NHSL1: variants seen among roughly 807,000 people sequenced by gnomAD.
NHSL1 encodes the protein NHS-like protein 1.
Under a neutral mutation model 95.0 loss-of-function variants are expected in NHSL1, and 48 were observed. The ratio of observed to expected loss-of-function variants is 0.51; its 90% CI spans 0.40 to 0.64. The LOEUF (loss-of-function observed/expected upper bound fraction) is 0.64, where lower values mean the gene tolerates loss of function less well. NHSL1 is among the 30% of genes least tolerant of loss of function. NHSL1 has a pLI of 0.00. For synonymous variants in NHSL1, 783 were observed against 833.9 expected (o/e 0.94, Z 1.05); for missense variants, 1,971 against 2,077.7 (o/e 0.95, Z 1.00).
At chr6:138,528,048 T>C (rs773449348) in intron 1 of NHSL1, among the ~76,000 whole-genome samples, 2 of 152,182 alleles carry the variant, frequency 1.3e-5, no homozygotes, top group Non-Finnish European at 2.9e-5. Context: ...TTCCAATCCA[T>C]ATTTTGTAGT....
At chr6:138,492,352 C>T (rs1395279711) in intron 2 of NHSL1, among the ~76,000 whole-genome samples, 1 of 152,144 alleles carries the variant, frequency 6.6e-6, no homozygotes, top group East Asian at 1.9e-4. Flanking sequence ...TGTTTACTAC[C>T]GTAAGACAGT....
chr6:138,583,366 G>A (rs1784089073), intron 1 of NHSL1, among the ~76,000 whole-genome samples: 1 of 152,192 alleles, frequency 6.6e-6, no homozygotes, highest in Admixed American at 6.5e-5. Flanking sequence ...GGGGCAGGGG[G>A]TGAATATTTC....
intron 1 of NHSL1, among the ~76,000 whole-genome samples, chr6:138,601,638 C>T (rs1054379579): frequency 2.0e-5 from 3 of 151,882 alleles, no homozygotes; most frequent in African/African-American, 7.3e-5. Flanking sequence ...ATGGTGAAAC[C>T]CTGTCTCTAC....
At chr6:138,451,213 T>C (rs1238825242) in intron 3 of NHSL1, among the ~76,000 whole-genome samples, 1 of 152,188 alleles carries the variant, frequency 6.6e-6, no homozygotes, top group Admixed American at 6.5e-5. Flanking sequence ...CCATCCTCCA[T>C]GCTGTACCTT....
At chr6:138,488,418 T>C (rs1779849339) in intron 2 of NHSL1, among the ~76,000 whole-genome samples, 1 of 152,234 alleles carries the variant, frequency 6.6e-6, no homozygotes, top group African/African-American at 2.4e-5. Context: ...CATTAGTGTA[T>C]TTATTAATTT....
intron 2 of NHSL1, among the ~76,000 whole-genome samples, chr6:138,474,799 T>C (rs1778964193): frequency 6.6e-6 from 1 of 152,194 alleles, no homozygotes; most frequent in South Asian, 2.1e-4. Flanking sequence ...TTATAAGAAA[T>C]ATTTTCACAT....
At chr6:138,464,704 T>C (rs567218172) in intron 3 of NHSL1, among the ~76,000 whole-genome samples, 1 of 144,024 alleles carries the variant, frequency 6.9e-6, no homozygotes, top group East Asian at 2.0e-4. Flanking sequence ...CTTCACTTTT[T>C]TTTTTCTTTT....
intron 1 of NHSL1, among the ~76,000 whole-genome samples, chr6:138,532,229 T>C (rs1782164731): frequency 6.6e-6 from 1 of 152,102 alleles, no homozygotes; most frequent in Admixed American, 6.6e-5. Context: ...CTACTGAGAA[T>C]TGAAGCTCAA....
At chr6:138,486,194 A>G (rs1262091799) in intron 2 of NHSL1, among the ~76,000 whole-genome samples, 2 of 152,008 alleles carry the variant, frequency 1.3e-5, no homozygotes, top group Non-Finnish European at 2.9e-5. Context: ...CTGTTTTCAT[A>G]AGCTCTAGTT....
intron 1 of NHSL1, among the ~76,000 whole-genome samples, chr6:138,566,871 C>T (rs1421257018): frequency 1.3e-5 from 2 of 152,128 alleles, no homozygotes; most frequent in African/African-American, 4.8e-5. Context: ...CACAGAATGT[C>T]AACTTCAGTA....
At chr6:138,513,120 C>T (rs770479263) in intron 1 of NHSL1, among the ~76,000 whole-genome samples, 1 of 152,220 alleles carries the variant, frequency 6.6e-6, no homozygotes, top group Non-Finnish European at 1.5e-5. Context: ...ATGCCCTTCA[C>T]TTTGCACAGT....
chr6:138,634,215 T>TA (rs1294824429), intron 1 of NHSL1, among the ~76,000 whole-genome samples: 1 of 152,094 alleles, frequency 6.6e-6, no homozygotes, highest in African/African-American at 2.4e-5. Context: ...TATTTATCAA[T>TA]AACTTTGAAA....
At chr6:138,468,843 C>G (rs926295637) in intron 3 of NHSL1, among the ~76,000 whole-genome samples, 1 of 152,204 alleles carries the variant, frequency 6.6e-6, no homozygotes, top group African/African-American at 2.4e-5. Context: ...TTACACAATG[C>G]ATGACTGTAT....
intron 1 of NHSL1, among the ~76,000 whole-genome samples, chr6:138,617,455 C>T (rs149644614): frequency 6.6e-6 from 1 of 152,184 alleles, no homozygotes; most frequent in Non-Finnish European, 1.5e-5. Flanking sequence ...TGTCTCTCCC[C>T]TTTCACCCCC....
chr6:138,593,650 TA>T (rs1427954057), intron 1 of NHSL1, among the ~76,000 whole-genome samples: 2 of 152,242 alleles, frequency 1.3e-5, no homozygotes, highest in African/African-American at 4.8e-5. Flanking sequence ...TTTCTTCCAG[TA>T]GACGGTCTCC....
chr6:138,561,410 A>G (rs1424344964), intron 1 of NHSL1, among the ~76,000 whole-genome samples: 1 of 152,120 alleles, frequency 6.6e-6, no homozygotes, highest in Admixed American at 6.5e-5. Context: ...ACCTTCTTCC[A>G]TTCACTACCA....
intron 1 of NHSL1, among the ~76,000 whole-genome samples, chr6:138,566,269 G>A (rs111894539): frequency 0.088 from 13,353 of 151,862 alleles, 959 homozygotes; most frequent in African/African-American, 0.2. Context: ...GTGGTGGCGG[G>A]TGCCTGTAAT....
chr6:138,617,891 A>G (rs936570942), intron 1 of NHSL1, among the ~76,000 whole-genome samples: 4 of 152,238 alleles, frequency 2.6e-5, no homozygotes, highest in African/African-American at 9.6e-5. Flanking sequence ...AGGTGATGGC[A>G]GCTTGATTCT....
At chr6:138,452,212 G>A in intron 3 of NHSL1, among the ~76,000 whole-genome samples, 1 of 152,092 alleles carries the variant, frequency 6.6e-6, no homozygotes, top group Non-Finnish European at 1.5e-5. Flanking sequence ...ATTTAGAAAG[G>A]GAGAGAAACA....
Sources: allele counts gnomAD v4.1 joint callset (sites outside exome capture counted in the v4.1 genomes callset), GRCh38; gene constraint gnomAD v4.1.1; transcripts MANE v1.5; gene names NCBI Gene and HGNC (gene_info 2026-07-23, HGNC 2026-07-21).